Variants in NEBL observed in about 807,000 individuals in gnomAD.
NEBL encodes LIM and SH3 protein 2.
NEBL carries 122 observed loss-of-function variants against 140.2 expected under a neutral mutation model. The ratio of observed to expected loss-of-function variants is 0.87; its 90% CI spans 0.75 to 1.01. NEBL has a LOEUF of 1.01. Ranked by LOEUF, NEBL falls within the 50% of genes least tolerant of loss-of-function variation. NEBL has a pLI of 0.00. For synonymous variants in NEBL, 436 were observed against 398.9 expected, an observed-to-expected ratio of 1.09 and a Z score of -1.11; for missense variants, 1,365 against 1,231.3, an observed-to-expected ratio of 1.11 and a Z score of -1.62.
chr10:20,927,414 T>C (rs1176808580), intron 4 of NEBL, among the ~76,000 whole-genome samples: 1 of 152,168 alleles, frequency 6.6e-6, no homozygotes, highest in East Asian at 1.9e-4. Context: ...GTAGATCTAC[T>C]CCACAGAGCA....
chr10:21,162,717 G>A (rs2132157727), intron 2 of NEBL, among the ~76,000 whole-genome samples: 1 of 152,280 alleles, frequency 6.6e-6, no homozygotes, highest in Non-Finnish European at 1.5e-5. Context: ...ATACAAAGCA[G>A]GCTCTTTGAT....
At chr10:20,971,313 C>T (rs1836559285) in intron 3 of NEBL, among the ~76,000 whole-genome samples, 1 of 152,080 alleles carries the variant, frequency 6.6e-6, no homozygotes, top group Non-Finnish European at 1.5e-5. Flanking sequence ...TCACTAATAG[C>T]ATTTAATAAT....
intron 1 of NEBL, among the ~76,000 whole-genome samples, chr10:21,255,015 A>G (rs1842637459): frequency 6.6e-6 from 1 of 152,108 alleles, no homozygotes; most frequent in African/African-American, 2.4e-5. Context: ...ATGTAGCTGG[A>G]GTTCTCTGCC....
At chr10:20,939,211 G>A (rs1436850147) in intron 4 of NEBL, among the ~76,000 whole-genome samples, 3 of 152,236 alleles carry the variant, frequency 2.0e-5, no homozygotes, top group Non-Finnish European at 4.4e-5. Flanking sequence ...ACAAAGGGAT[G>A]CCCATCAGAC....
intron 26 of NEBL, among the ~76,000 whole-genome samples, chr10:20,796,808 C>T (rs911534838): frequency 1.3e-5 from 2 of 152,040 alleles, no homozygotes; most frequent in Non-Finnish European, 1.5e-5. Flanking sequence ...GCAGGATTGT[C>T]GGTGAGGGAA....
intron 9 of NEBL, among the ~76,000 whole-genome samples, chr10:20,856,016 A>G (rs1344848553): frequency 6.6e-6 from 1 of 152,214 alleles, no homozygotes. Context: ...CCATTCTAAT[A>G]TACAATAAAG....
At chr10:21,277,270 A>G (rs1842937667) in intron 1 of NEBL, among the ~76,000 whole-genome samples, 2 of 144,666 alleles carry the variant, frequency 1.4e-5, no homozygotes, top group South Asian at 4.3e-4. Flanking sequence ...GTGCAGTGGC[A>G]CAATCTCAGC....
At chr10:21,275,924 CTGGGAT>C (rs71859000) in intron 1 of NEBL, among the ~76,000 whole-genome samples, 4,856 of 147,630 alleles carry the variant, frequency 0.033, 253 homozygotes, top group African/African-American at 0.12. Flanking sequence ...TCCCAAAGTG[CTGGGAT>C]TGGGATTACA....
intron 3 of NEBL, among the ~76,000 whole-genome samples, chr10:21,235,202 G>A (rs1441026927): frequency 4.6e-5 from 7 of 152,052 alleles, no homozygotes; most frequent in East Asian, 3.9e-4. Context: ...AAGCTGAAGC[G>A]GGAGGATCAC....
rs45449796 is a variant in NEBL, at chr10:21,002,605, C to T, written c.249+17512G>A. ...ACAGTTCTGCAGGCTGTACAGGAAGCATGGATGGAGAGGTCTCAGGAAACT... is the reference window on the plus strand; with the variant it reads ...ACAGTTCTGCAGGCTGTACAGGAAGTATGGATGGAGAGGTCTCAGGAAACT... On this transcript the variant is annotated intron_variant, in intron 3 of 6. Coordinates refer to the NEBL transcript ENST00000417816. Among the ~76,000 whole-genome samples the T allele has an allele frequency of 1.0e-2, 1,518 of 152,248 alleles. 9 individuals are homozygous for T. The highest frequency in any genetic ancestry group is 0.016 in the Non-Finnish European group (1,086 of 68,014).
upstream of NEBL, among the ~76,000 whole-genome samples, chr10:21,175,357 G>C (rs924926438): frequency 6.6e-6 from 1 of 152,168 alleles, no homozygotes; most frequent in Admixed American, 6.5e-5. Flanking sequence ...CTGGCTCAAG[G>C]GAAGCTCCAC....
Position 21,146,275 on chromosome 10 carries a change from A to G in NEBL, c.164+26108T>C, listed in dbSNP as rs534411067. 2.5e-5 allele frequency: 32 copies of G among 1,279,442 alleles called. No individual in the cohort carries two copies. In the South Asian group the frequency reaches 4.5e-4, roughly 18 times the overall value. The allele number at this position is 1,279,442 out of a possible 1,614,324, so 79.3% of individuals were successfully genotyped here. A position where few individuals can be genotyped will look rare whatever the true frequency, so the allele number is the denominator to read the frequency against. ...CTGCACGTGTCAGGCAGCATCATTT[A>G]CATCACCACGTGGCCCTGTCTCAGC... On this transcript the variant is annotated intron_variant, in intron 2 of 6. Coordinates refer to the NEBL transcript ENST00000417816.
At chr10:21,128,775 A>G (rs1838961069) in intron 2 of NEBL, among the ~76,000 whole-genome samples, 1 of 152,224 alleles carries the variant, frequency 6.6e-6, no homozygotes, top group South Asian at 2.1e-4. Flanking sequence ...AAAAGTGAAA[A>G]TGTACTCAAA....
At chr10:20,860,315 C>T (rs1843546342) in intron 7 of NEBL, among the ~76,000 whole-genome samples, 1 of 151,962 alleles carries the variant, frequency 6.6e-6, no homozygotes, top group African/African-American at 2.4e-5. Context: ...TTAGGAATTA[C>T]ATTTTCTGAA....
intron 3 of NEBL, among the ~76,000 whole-genome samples, chr10:21,190,562 G>A (rs1405265331): frequency 6.6e-6 from 1 of 152,158 alleles, no homozygotes; most frequent in Non-Finnish European, 1.5e-5. Context: ...AGGCAGAATC[G>A]TCCAAGGATA....
At chr10:21,180,676 C>G (rs577455695) in intron 3 of NEBL, among the ~76,000 whole-genome samples, 32 of 152,288 alleles carry the variant, frequency 2.1e-4, no homozygotes, top group Non-Finnish European at 4.0e-4. Context: ...ACTCCTTCCT[C>G]TCTCCCTAAG....
At chr10:20,866,366 G>A (rs1844292530) in intron 7 of NEBL, among the ~76,000 whole-genome samples, 1 of 151,960 alleles carries the variant, frequency 6.6e-6, no homozygotes, top group Non-Finnish European at 1.5e-5. Context: ...GGTTCAGATG[G>A]TAAATTTTAT....
chr10:20,956,085 T>TG (rs1217075347), intron 4 of NEBL, among the ~76,000 whole-genome samples: 4 of 151,992 alleles, frequency 2.6e-5, no homozygotes, highest in African/African-American at 9.7e-5. Context: ...AAATTGAGGC[T>TG]AAAAAGAAGA....
chr10:20,831,671 T>C (rs1840440791), intron 14 of NEBL, 88 bp from the exon 15 acceptor site: 2 of 834,356 alleles, frequency 2.4e-6, no homozygotes, highest in Admixed American at 1.9e-5. Context: ...ATTAAGACCA[T>C]GTCTTTTGGA....
Sources: gnomAD v4.1 joint callset for allele counts (sites outside exome capture counted in the v4.1 genomes callset) on GRCh38, gnomAD v4.1.1 for gene constraint, MANE v1.5 for transcripts, NCBI Gene and HGNC (gene_info 2026-07-23, HGNC 2026-07-21) for gene names.